Variants in RBFOX1 observed in about 807,000 individuals in gnomAD.
RBFOX1 encodes the protein RNA binding protein fox-1 homolog 1.
A neutral mutation model predicts 57.7 loss-of-function variants in RBFOX1; 8 were observed. The ratio of observed to expected loss-of-function variants is 0.14; its 90% CI spans 0.08 to 0.25. The LOEUF is 0.25. Ranked by LOEUF, RBFOX1 falls within the 10% of genes least tolerant of loss-of-function variation. The pLI is 1.00. For synonymous variants in RBFOX1, 326 were observed against 222.4 expected, an observed-to-expected ratio of 1.47 and a Z score of -4.15; for missense variants, 611 against 548.5, an observed-to-expected ratio of 1.11 and a Z score of -1.14.
intron 3 of RBFOX1, among the ~76,000 whole-genome samples, chr16:5,637,045 AT>A: frequency 6.6e-6 from 1 of 152,170 alleles, no homozygotes; most frequent in Middle Eastern, 3.2e-3. Context: ...ACTAATCATA[AT>A]GCAATATCAG....
chr16:6,370,783 G>A (rs2090321462), intron 2 of RBFOX1, among the ~76,000 whole-genome samples: 1 of 152,170 alleles, frequency 6.6e-6, no homozygotes, highest in Admixed American at 6.5e-5. Context: ...GAATGCAAAT[G>A]TTCTTAATGC....
At chr16:5,721,572 G>C (rs756800528) in intron 3 of RBFOX1, among the ~76,000 whole-genome samples, 13 of 152,052 alleles carry the variant, frequency 8.5e-5, no homozygotes, top group Non-Finnish European at 1.8e-4. Context: ...TTCAGTCTTC[G>C]GCCATTGCGT....
intron 2 of RBFOX1, among the ~76,000 whole-genome samples, chr16:5,530,684 C>T (rs530099463): frequency 6.6e-6 from 1 of 152,284 alleles, no homozygotes; most frequent in South Asian, 2.1e-4. Context: ...CTCTTCCCAA[C>T]CCATTCCCAG....
intron 3 of RBFOX1, among the ~76,000 whole-genome samples, chr16:6,710,305 GT>G (rs1417062841): frequency 6.6e-6 from 1 of 152,158 alleles, no homozygotes; most frequent in African/African-American, 2.4e-5. Flanking sequence ...TGTACTTTTA[GT>G]TTTTTAATGA....
At chr16:5,531,396 T>G (rs1053451037) in intron 2 of RBFOX1, among the ~76,000 whole-genome samples, 1 of 152,198 alleles carries the variant, frequency 6.6e-6, no homozygotes, top group Non-Finnish European at 1.5e-5. Context: ...CTTTAAAGTT[T>G]GGTTGTGGAA....
At chr16:5,511,164 A>T (rs979065475) in intron 2 of RBFOX1, among the ~76,000 whole-genome samples, 1 of 152,202 alleles carries the variant, frequency 6.6e-6, no homozygotes, top group African/African-American at 2.4e-5. Flanking sequence ...GCCCCTGAAG[A>T]GTTCTGTGCA....
At chr16:7,428,222 C>G (rs1335831444) in intron 4 of RBFOX1, among the ~76,000 whole-genome samples, 4 of 151,970 alleles carry the variant, frequency 2.6e-5, no homozygotes, top group African/African-American at 9.7e-5. Flanking sequence ...CATTTAGTTT[C>G]TCCAACACCT....
chr16:5,820,721 C>A (rs919669152), intron 3 of RBFOX1, among the ~76,000 whole-genome samples: 2 of 152,176 alleles, frequency 1.3e-5, no homozygotes, highest in Non-Finnish European at 2.9e-5. Flanking sequence ...CAGCAGCGTC[C>A]TGAGTGACAC....
In RBFOX1 at chr16:6,019,791, C is replaced by G; in HGVS notation, c.-328C>G. ...AGTGGCCGCCAGGGTCCCCGCCTGT[C>G]CGGACCCTCGCCGCGCCCAGGCAGG... On this transcript the variant is annotated 5_prime_UTR_variant, in exon 1 of 16. Transcript: ENST00000550418. This position sits in a 1 kb window ranked among gnomAD's most constrained non-coding sequence, Gnocchi z 4.2. 6.8e-7 allele frequency: 1 copy of G among 1,476,098 alleles called. No homozygotes were observed. The highest frequency in any genetic ancestry group is 1.4e-5 in the African/African-American group (1 of 71,038). 91.4% of individuals were successfully genotyped at this position (1,476,098 alleles called of 1,614,324 possible). A position where few individuals can be genotyped will look rare whatever the true frequency, so the allele number is the denominator to read the frequency against.
chr16:6,443,918 A>G (rs1380519000), intron 2 of RBFOX1, among the ~76,000 whole-genome samples: 1 of 152,056 alleles, frequency 6.6e-6, no homozygotes, highest in East Asian at 1.9e-4. Context: ...ATCCCCATTT[A>G]TGTTCTACAG....
intron 2 of RBFOX1, among the ~76,000 whole-genome samples, chr16:6,636,836 A>AATATATAATATATAATATATGTT (rs1567982280): frequency 4.2e-4 from 26 of 61,292 alleles, no homozygotes; most frequent in African/African-American, 1.2e-3. Context: ...TGTTATATAT[A>AATATATAATATATAATATATGTT]ATATATAATA....
At chr16:7,312,987 G>A (rs73559828) in intron 4 of RBFOX1, among the ~76,000 whole-genome samples, 4,102 of 152,174 alleles carry the variant, frequency 0.027, 103 homozygotes, top group Middle Eastern at 0.095. Context: ...ATGGACCGGG[G>A]AAGCTGACAC....
At chr16:6,785,844 C>G (rs763052051) in intron 3 of RBFOX1, among the ~76,000 whole-genome samples, 3 of 152,202 alleles carry the variant, frequency 2.0e-5, no homozygotes, top group Non-Finnish European at 4.4e-5. Flanking sequence ...TAGAATTAGA[C>G]TCAAAGTCCA....
At chr16:5,788,862 C>T (rs1409514453) in intron 3 of RBFOX1, among the ~76,000 whole-genome samples, 2 of 152,082 alleles carry the variant, frequency 1.3e-5, no homozygotes, top group Non-Finnish European at 2.9e-5. Flanking sequence ...GCCCCAAAAG[C>T]AATTCAGACC....
chr16:6,954,305 C>T (rs780403540), intron 3 of RBFOX1, among the ~76,000 whole-genome samples: 2 of 151,992 alleles, frequency 1.3e-5, no homozygotes, highest in Admixed American at 6.6e-5. Context: ...GTGAGACTTG[C>T]TTATTTATGG....
At chr16:7,535,528 T>G (rs2081271001) in intron 5 of RBFOX1, among the ~76,000 whole-genome samples, 1 of 152,212 alleles carries the variant, frequency 6.6e-6, no homozygotes, top group Admixed American at 6.5e-5. Flanking sequence ...AGGCCTTCCA[T>G]GCTGGAATTA....
At chr16:6,601,593 G>C (rs989095385) in intron 2 of RBFOX1, among the ~76,000 whole-genome samples, 1 of 152,122 alleles carries the variant, frequency 6.6e-6, no homozygotes, top group Non-Finnish European at 1.5e-5. Flanking sequence ...AAGGACCACT[G>C]TTCCTCCATC....
chr16:7,599,405 A>G (rs1256573870), intron 9 of RBFOX1, among the ~76,000 whole-genome samples: 1 of 152,204 alleles, frequency 6.6e-6, no homozygotes, highest in Non-Finnish European at 1.5e-5. Flanking sequence ...ATTTATTTTA[A>G]AAGAGTTATT....
intron 2 of RBFOX1, among the ~76,000 whole-genome samples, chr16:6,535,716 G>C (rs912696127): frequency 6.6e-6 from 1 of 152,148 alleles, no homozygotes; most frequent in African/African-American, 2.4e-5. Flanking sequence ...ACAGCCCTTC[G>C]AGCAAGGGCT....
Sources: gnomAD v4.1 joint callset for allele counts (sites outside exome capture counted in the v4.1 genomes callset) on GRCh38, gnomAD v4.1.1 for gene constraint, Gnocchi (gnomAD v3.1) non-coding constraint, MANE v1.5 for transcripts, NCBI Gene and HGNC (gene_info 2026-07-23, HGNC 2026-07-21) for gene names.